CDC42: variants seen among roughly 807,000 people sequenced by gnomAD.
CDC42 encodes cell division control protein 42 homolog.
A neutral mutation model predicts 20.8 loss-of-function variants in CDC42; 1 was observed. The ratio of observed to expected loss-of-function variants is 0.05; its 90% CI spans 0.02 to 0.23. The LOEUF (loss-of-function observed/expected upper bound fraction) is 0.23. Among genes scored for constraint, CDC42 ranks in the 10% least tolerant of loss-of-function variants. The pLI is 1.00. For missense variants in CDC42, 49 were observed against 227.9 expected, an observed-to-expected ratio of 0.21 and a Z score of 5.05; for synonymous variants, 72 against 84.8, an observed-to-expected ratio of 0.85 and a Z score of 0.83.
Position 22,096,592 on chromosome 1 carries a change from A to G in CDC42, c.*5075A>G, listed in dbSNP as rs1645759917. On this transcript the variant is annotated 3_prime_UTR_variant, in exon 6 of 6. Coordinates refer to ENST00000656825, the MANE Select transcript of CDC42 (RefSeq NM_001791.4). ...TCTCAAGCAGTGCAGAGATGTAAGC[A>G]GGCAGAGGTAAGGACTTTGGTCTCA... is the stretch of plus-strand genomic sequence containing the variant. 6.6e-6 allele frequency among the ~76,000 whole-genome samples: 1 copy of G among 152,218 alleles called. No individual in the cohort carries two copies. The highest frequency in any genetic ancestry group is 1.5e-5 in the Non-Finnish European group (1 of 68,038).
chr1:22,064,029 A>G (rs1250599868), intron 1 of CDC42: 1 of 151,278 alleles, frequency 6.6e-6, no homozygotes, highest in East Asian at 2.0e-4. Context: ...CTTCACAGTC[A>G]TCTTTAGTAT....
At chr1:22,070,961 A>G (rs537655057) in intron 1 of CDC42, among the ~76,000 whole-genome samples, 7 of 152,170 alleles carry the variant, frequency 4.6e-5, no homozygotes, top group African/African-American at 1.7e-4. Context: ...AGAAGGTATA[A>G]ATGGCCTTGC....
intron 1 of CDC42, chr1:22,053,365 C>T (rs987507739): frequency 5.9e-5 from 9 of 151,782 alleles, no homozygotes; most frequent in African/African-American, 1.9e-4. Flanking sequence ...AGCTCCCCTC[C>T]GCGCCGGCCG....
At chr1:22,061,260 T>G (rs1645359652) in intron 1 of CDC42, among the ~76,000 whole-genome samples, 1 of 151,712 alleles carries the variant, frequency 6.6e-6, no homozygotes, top group African/African-American at 2.4e-5. Context: ...TACAAAAAAT[T>G]AGCCAGGTGT....
chr1:22,080,887 C>A (rs1274396235), intron 2 of CDC42, among the ~76,000 whole-genome samples: 3 of 152,280 alleles, frequency 2.0e-5, no homozygotes, highest in South Asian at 4.1e-4. Context: ...AAATTCCCAG[C>A]TGGCTGGGTG....
chr1:22,085,519 G>A (rs1645653374), intron 3 of CDC42, among the ~76,000 whole-genome samples: 1 of 152,166 alleles, frequency 6.6e-6, no homozygotes, highest in Non-Finnish European at 1.5e-5. Context: ...ATGTTGACAT[G>A]TCAACAATAT....
At chr1:22,085,782 G>A (rs986279792) in intron 3 of CDC42, among the ~76,000 whole-genome samples, 3 of 152,072 alleles carry the variant, frequency 2.0e-5, no homozygotes, top group Non-Finnish European at 2.9e-5. Context: ...GTCATGATGG[G>A]CAGTGGATTT....
intron 3 of CDC42, 41 bp downstream of exon 3, chr1:22,081,835 A>T (rs774888813): frequency 9.7e-5 from 121 of 1,253,338 alleles, no homozygotes; most frequent in Non-Finnish European, 1.3e-4. Flanking sequence ...GATCTTTAAC[A>T]GTTGCTAGTT....
chr1:22,054,170 A>G (rs560435434), intron 1 of CDC42, among the ~76,000 whole-genome samples: 2 of 152,288 alleles, frequency 1.3e-5, no homozygotes, highest in Non-Finnish European at 2.9e-5. Flanking sequence ...AAAAAACTTA[A>G]TATTTTCATA....
chr1:22,080,620 CAG>C (rs1310753687), intron 2 of CDC42, among the ~76,000 whole-genome samples: 1 of 152,042 alleles, frequency 6.6e-6, no homozygotes, highest in Non-Finnish European at 1.5e-5. Context: ...TGTAAATTGA[CAG>C]ATTATAGTTG....
chr1:22,066,978 G>T (rs1019372087), intron 1 of CDC42, among the ~76,000 whole-genome samples: 5 of 152,146 alleles, frequency 3.3e-5, no homozygotes, highest in South Asian at 2.1e-4. Context: ...CTGGAAAATC[G>T]CTTGAACCTG....
At chr1:22,058,362 A>G (rs1645326221) in intron 1 of CDC42, among the ~76,000 whole-genome samples, 1 of 152,220 alleles carries the variant, frequency 6.6e-6, no homozygotes, top group Non-Finnish European at 1.5e-5. Flanking sequence ...AATTTATTGC[A>G]AGGATCATAA....
chr1:22,091,554 G>A lies in CDC42; in HGVS notation c.*37G>A, dbSNP rs559671217. On this transcript the variant is annotated 3_prime_UTR_variant, in exon 6 of 6. Transcript: ENST00000656825. ...GAGCCCTTTCTGCACAGCTGGTGTC[G>A]GCATCATACTAAAAGCAATGTTTAA... is the stretch of plus-strand genomic sequence containing the variant. 23 of 1,343,280 alleles carry A rather than the reference G, an allele frequency of 1.7e-5. No individual in the cohort carries two copies. Among genetic ancestry groups the A allele is most frequent in the East Asian group, 1.4e-4 (6 of 43,340 alleles). The allele number at this position is 1,343,280 out of a possible 1,614,324, so 83.2% of individuals were successfully genotyped here.
chr1:22,054,439 C>T (rs1645272958), intron 1 of CDC42, among the ~76,000 whole-genome samples: 1 of 152,002 alleles, frequency 6.6e-6, no homozygotes, highest in Non-Finnish European at 1.5e-5. Flanking sequence ...TGGTCTCGGA[C>T]TCCTGGGGTC....
At chr1:22,082,831 G>A (rs1014510899) in intron 3 of CDC42, among the ~76,000 whole-genome samples, 6 of 152,020 alleles carry the variant, frequency 3.9e-5, no homozygotes, top group Admixed American at 3.3e-4. Context: ...TGATAAATGA[G>A]GGGTTTTCTT....
At chr1:22,079,698 G>A (rs1645589070) in intron 2 of CDC42, among the ~76,000 whole-genome samples, 1 of 152,174 alleles carries the variant, frequency 6.6e-6, no homozygotes, top group South Asian at 2.1e-4. Context: ...AGGTTCAGTG[G>A]ACTTACAGGG....
chr1:22,089,881 C>G, intron 5 of CDC42: 5 of 1,543,488 alleles, frequency 3.2e-6, no homozygotes, highest in Non-Finnish European at 4.4e-6. Flanking sequence ...GCTGTTGTAC[C>G]TGCTAGTCTT....
At chr1:22,060,515 G>A (rs562716255) in intron 1 of CDC42, among the ~76,000 whole-genome samples, 2 of 152,250 alleles carry the variant, frequency 1.3e-5, no homozygotes, top group Admixed American at 1.3e-4. Flanking sequence ...AAATTTAGTA[G>A]AAGAAAGCAT....
chr1:22,059,610 T>C (rs1314193907), intron 1 of CDC42: 2 of 152,004 alleles, frequency 1.3e-5, no homozygotes, highest in Non-Finnish European at 2.9e-5. Context: ...AGTGGTACGA[T>C]CTTGGCTCAC....
Sources: allele counts gnomAD v4.1 joint callset (sites outside exome capture counted in the v4.1 genomes callset), GRCh38; gene constraint gnomAD v4.1.1; transcripts MANE v1.5; gene names NCBI Gene and HGNC (gene_info 2026-07-23, HGNC 2026-07-21).